The following RASL12 variants were observed in gnomAD, a reference collection of about 807,000 sequenced individuals.
RASL12 encodes the protein RAS like family 12, also known as ras-like protein family member 12.
RASL12 carries 16 observed loss-of-function variants against 22.9 expected under a neutral mutation model. That is an observed-to-expected ratio of 0.70 (90% CI 0.47 to 1.06). The LOEUF (loss-of-function observed/expected upper bound fraction) is 1.06, where lower values mean the gene tolerates loss of function less well. Among genes scored for constraint, RASL12 ranks in the 50% least tolerant of loss-of-function variants. The probability of loss-of-function intolerance (pLI) is 0.00; values close to 1 mark genes in which losing one functional copy is unlikely to be tolerated. For synonymous variants in RASL12, 159 were observed against 152.2 expected (o/e 1.04, Z -0.33); for missense variants, 306 against 353.1 (o/e 0.87, Z 1.07).
intron 4 of RASL12, among the ~76,000 whole-genome samples, chr15:65,058,076 C>T (rs1309566290): frequency 6.6e-6 from 1 of 152,158 alleles, no homozygotes; most frequent in Non-Finnish European, 1.5e-5. Flanking sequence ...CAAGACCAGC[C>T]TGGCCAAAAA....
At chr15:65,063,246 C>T (rs2086834544) in intron 2 of RASL12, among the ~76,000 whole-genome samples, 1 of 152,082 alleles carries the variant, frequency 6.6e-6, no homozygotes, top group African/African-American at 2.4e-5. Context: ...ATAAGCATGA[C>T]CCATGCAATA....
chr15:65,061,444 C>G (rs1199569396), intron 2 of RASL12, among the ~76,000 whole-genome samples: 3 of 152,180 alleles, frequency 2.0e-5, no homozygotes, highest in Non-Finnish European at 4.4e-5. Context: ...TCGTACTGTC[C>G]AGCCTCCCTT....
rs572618746 is a variant in RASL12, at chr15:65,061,853, T to G, written c.161-2435A>C. Among the ~76,000 whole-genome samples, 10 of 151,926 alleles carry G rather than the reference T, an allele frequency of 6.6e-5. No homozygotes were observed. The South Asian group carries it at 1.9e-3, about 28-fold the overall frequency. ...TCACAAGGTCAGGAGTTCTAGACCA[T>G]CCTGCTGAACACGGTGAAACCCTGT... On this transcript the variant is annotated intron_variant, in intron 2 of 4. Transcript: ENST00000220062.
chr15:65,050,212 C>T (rs1415664036), downstream of RASL12: 2 of 834,100 alleles, frequency 2.4e-6, no homozygotes, highest in Non-Finnish European at 3.8e-6. Flanking sequence ...CGGTACATTT[C>T]CTCCAAGACA....
intron 1 of RASL12, among the ~76,000 whole-genome samples, chr15:65,066,614 A>G (rs1026953639): frequency 5.9e-5 from 9 of 152,232 alleles, no homozygotes; most frequent in African/African-American, 2.2e-4. Context: ...CATATTTTAA[A>G]ATTTAAATTC....
chr15:65,059,486 C>T, intron 2 of RASL12, 68 bp from the exon 3 acceptor site: 1 of 1,279,036 alleles, frequency 7.8e-7, no homozygotes, highest in South Asian at 1.2e-5. Context: ...TCCCTCTGTG[C>T]TAGACCCCTG....
Position 65,053,682 on chromosome 15 carries a change from C to T in RASL12, c.*1217G>A. On this transcript the variant is annotated 3_prime_UTR_variant, in exon 5 of 5. Coordinates refer to ENST00000220062, the MANE Select transcript of RASL12 (RefSeq NM_016563.4). ...AGAATCCCCTTCCCAATCCTTCCAC[C>T]CACCAGGACCCTCTCTTTTCCCTGC... is the stretch of plus-strand genomic sequence containing the variant. The T allele has an allele frequency of 8.1e-6, 8 of 988,474 alleles. No individual in the cohort carries two copies. Among genetic ancestry groups the T allele is most frequent in the Non-Finnish European group, 8.4e-6 (7 of 831,870 alleles). The allele number at this position is 988,474 out of a possible 1,614,324, so 61.2% of individuals were successfully genotyped here.
the RASL12 span, among the ~76,000 whole-genome samples, chr15:65,046,255 G>T: frequency 6.6e-6 from 1 of 151,828 alleles, no homozygotes; most frequent in Admixed American, 6.6e-5. Context: ...GAGCTGAGAT[G>T]GTGCCACTAC....
chr15:65,056,115 A>T (rs990543445), intron 4 of RASL12, among the ~76,000 whole-genome samples: 14 of 152,146 alleles, frequency 9.2e-5, no homozygotes, highest in Admixed American at 9.2e-4. Context: ...TCGGATGTCT[A>T]CAAGAGGGAA....
chr15:65,050,050 G>A, downstream of RASL12: 9 of 1,551,868 alleles, frequency 5.8e-6, no homozygotes, highest in Non-Finnish European at 7.0e-6. Flanking sequence ...CGGTACTGTG[G>A]TACCCCAGGA....
chr15:65,046,535 C>A, the RASL12 span, among the ~76,000 whole-genome samples: 1 of 152,198 alleles, frequency 6.6e-6, no homozygotes, highest in African/African-American at 2.4e-5. Context: ...AGGGCTGACT[C>A]TCGGTTCTGG....
intron 1 of RASL12, among the ~76,000 whole-genome samples, chr15:65,066,146 AAG>A (rs777878156): frequency 8.6e-5 from 13 of 151,748 alleles, no homozygotes; most frequent in Non-Finnish European, 1.5e-4. Flanking sequence ...AAAAAAAAGA[AAG>A]AAGAAGAGAG....
At chr15:65,064,379 C>G (rs968941222) in intron 2 of RASL12, among the ~76,000 whole-genome samples, 43 of 152,152 alleles carry the variant, frequency 2.8e-4, no homozygotes, top group African/African-American at 9.7e-4. Flanking sequence ...CAATAAGGAG[C>G]AGAGCCAGGT....
At chr15:65,071,532 C>G (rs911524221), upstream of RASL12, among the ~76,000 whole-genome samples, 3 of 152,174 alleles carry the variant, frequency 2.0e-5, no homozygotes, top group African/African-American at 7.2e-5. Flanking sequence ...CATGACCCCC[C>G]ACCTTGGATG....
At chr15:65,051,787 C>CAAACAAAA (rs1370987923), downstream of RASL12, among the ~76,000 whole-genome samples, 1 of 151,116 alleles carries the variant, frequency 6.6e-6, no homozygotes, top group African/African-American at 2.4e-5. Context: ...AACAAACAAA[C>CAAACAAAA]AAAAAACAGC....
At chr15:65,057,183 T>G (rs1413617897) in intron 4 of RASL12, among the ~76,000 whole-genome samples, 1 of 152,222 alleles carries the variant, frequency 6.6e-6, no homozygotes, top group Non-Finnish European at 1.5e-5. Context: ...CCACGGCCCA[T>G]CTGACCCGTT....
chr15:65,055,025 G>A lies in RASL12; in HGVS notation c.675C>T (p.Ser225=), dbSNP rs920206495. ...GLASCTFNTL[S]TINLKEMPTV... ...TGGGCATCTCCTTCAGGTTGATGGT[G>A]GAGAGCGTGTTGAAGGTGCAGCTGG... Residue 225 remains serine (S), a synonymous_variant, in exon 5 of 5, where the codon TCC becomes TCT. Coordinates refer to ENST00000220062, the MANE Select transcript of RASL12 (RefSeq NM_016563.4). 2 of 1,613,910 alleles carry A rather than the reference G, an allele frequency of 1.2e-6. No individual in the cohort carries two copies. The highest frequency in any genetic ancestry group is 1.1e-5 in the South Asian group (1 of 91,030).
At chr15:65,053,029 G>C (rs1281358903), downstream of RASL12, 1 of 1,613,824 alleles carries the variant, frequency 6.2e-7, no homozygotes, top group African/African-American at 1.3e-5. Context: ...ATGAGGCCAA[G>C]GATCACAACA....
At chr15:65,065,740 G>A in intron 1 of RASL12, among the ~76,000 whole-genome samples, 1 of 152,200 alleles carries the variant, frequency 6.6e-6, no homozygotes, top group Non-Finnish European at 1.5e-5. Context: ...TGATCTTTGG[G>A]AAGGGTATAA....
Sources: gnomAD v4.1 joint callset for allele counts (sites outside exome capture counted in the v4.1 genomes callset) on GRCh38, gnomAD v4.1.1 for gene constraint, MANE v1.5 for transcripts, NCBI Gene and HGNC (gene_info 2026-07-23, HGNC 2026-07-21) for gene names.